UGGT1: variants seen among roughly 807,000 people sequenced by gnomAD.
The protein encoded by UGGT1 is UDP-glucose glycoprotein glucosyltransferase 1.
In UGGT1, 107 loss-of-function variants were observed where a neutral mutation model predicts 203.9. The ratio of observed to expected loss-of-function variants is 0.52; its 90% confidence interval spans 0.45 to 0.62. The LOEUF (loss-of-function observed/expected upper bound fraction) is 0.62, where lower values mean the gene tolerates loss of function less well. UGGT1 is among the 20% of genes least tolerant of loss of function. UGGT1 has a pLI of 0.00. For missense variants in UGGT1, 1,673 were observed against 1,867.2 expected, an observed-to-expected ratio of 0.90 and a Z score of 1.92; for synonymous variants, 628 against 653.5, an observed-to-expected ratio of 0.96 and a Z score of 0.59.
chr2:128,110,438 A>G (rs534589120), intron 5 of UGGT1, among the ~76,000 whole-genome samples: 3 of 152,174 alleles, frequency 2.0e-5, no homozygotes, highest in Non-Finnish European at 2.9e-5. Flanking sequence ...ACCAAATGGC[A>G]TTAGTGCTTC....
At chr2:128,150,063 A>G (rs1379801025) in intron 18 of UGGT1, among the ~76,000 whole-genome samples, 1 of 152,252 alleles carries the variant, frequency 6.6e-6, no homozygotes, top group Admixed American at 6.5e-5. Context: ...TACAGTGAAT[A>G]TTCTAATATG....
intron 3 of UGGT1, among the ~76,000 whole-genome samples, chr2:128,106,348 A>G (rs1006054765): frequency 1.3e-5 from 2 of 152,312 alleles, no homozygotes; most frequent in Non-Finnish European, 2.9e-5. Context: ...TATGAATTCT[A>G]TGAACAACAT....
rs1336828340 is a variant in UGGT1 at position 128,159,737 on chromosome 2, C to G, written c.2562+17C>G. The G allele has an allele frequency of 1.2e-6, 2 of 1,609,080 alleles. No homozygotes were observed. Among genetic ancestry groups the G allele is most frequent in the Non-Finnish European group, 1.7e-6 (2 of 1,176,730 alleles). The stretch of plus-strand genomic sequence containing the variant: ...TCTGTTGGGGTAAGGCTCTGAGCCT[C>G]TCATGAGGCTGCCCCATTTTGTCTG... On this transcript the variant is annotated intron_variant, in intron 23 of 40. Transcript: ENST00000259253.
At chr2:128,138,650 A>G in intron 15 of UGGT1, 67 bp from the exon 16 acceptor site, 1 of 1,557,418 alleles carries the variant, frequency 6.4e-7, no homozygotes, top group South Asian at 1.2e-5. Flanking sequence ...GGGTACAAGG[A>G]TGTCATTCTT....
At chr2:128,168,769 G>T (rs60146947) in intron 26 of UGGT1, among the ~76,000 whole-genome samples, 200 of 152,292 alleles carry the variant, frequency 1.3e-3, no homozygotes, top group African/African-American at 4.4e-3. Context: ...CAAGGGGGCT[G>T]GGCATGATGG....
intron 16 of UGGT1, among the ~76,000 whole-genome samples, chr2:128,142,238 C>A (rs1173511685): frequency 6.6e-6 from 1 of 151,344 alleles, no homozygotes; most frequent in Non-Finnish European, 1.5e-5. Flanking sequence ...GCCTGCCTGG[C>A]CTATTTAGAT....
At chr2:128,170,817 A>G (rs1006938372) in intron 27 of UGGT1, among the ~76,000 whole-genome samples, 17 of 152,230 alleles carry the variant, frequency 1.1e-4, no homozygotes, top group African/African-American at 3.6e-4. Flanking sequence ...ACCTTTGACA[A>G]AGACAGTCGC....
intron 1 of UGGT1, among the ~76,000 whole-genome samples, chr2:128,094,764 T>C (rs1462257819): frequency 1.6e-5 from 1 of 62,340 alleles, no homozygotes; most frequent in East Asian, 4.9e-4. Context: ...TTTTTTTTTT[T>C]TTGAGACGGA....
chr2:128,140,024 G>A (rs1689330283), intron 16 of UGGT1: 1 of 153,618 alleles, frequency 6.5e-6, no homozygotes, highest in African/African-American at 2.4e-5. Context: ...TGCTGTCCTC[G>A]TTGAGGGCCA....
intron 25 of UGGT1, among the ~76,000 whole-genome samples, chr2:128,163,290 G>A (rs1337316141): frequency 8.4e-6 from 1 of 118,550 alleles, no homozygotes; most frequent in East Asian, 2.3e-4. Flanking sequence ...ATGTATGTAG[G>A]CTTAATTACA....
intron 6 of UGGT1, among the ~76,000 whole-genome samples, chr2:128,114,626 G>A (rs1459689827): frequency 1.3e-5 from 2 of 152,104 alleles, no homozygotes; most frequent in South Asian, 2.1e-4. Flanking sequence ...ACTCCCATGG[G>A]CCTCAAAAAA....
intron 30 of UGGT1, among the ~76,000 whole-genome samples, 192 bp from the exon 31 acceptor site, chr2:128,174,581 G>A (rs1260436672): frequency 2.0e-5 from 3 of 152,268 alleles, no homozygotes; most frequent in South Asian, 2.1e-4. Context: ...GATTACAGGC[G>A]TGAGCCACCG....
At chr2:128,178,408 A>G in intron 33 of UGGT1, 60 bp from the exon 34 acceptor site, 1 of 1,399,538 alleles carries the variant, frequency 7.1e-7, no homozygotes, top group Admixed American at 2.2e-5. Flanking sequence ...TCTTACTTTC[A>G]AAGGCCGTGT....
At chr2:128,124,641 G>T (rs1688526082) in intron 11 of UGGT1, among the ~76,000 whole-genome samples, 1 of 149,908 alleles carries the variant, frequency 6.7e-6, no homozygotes. Flanking sequence ...CCTCTGACTA[G>T]TTTGGCCTTT....
rs1221946371 is a variant in UGGT1, at chr2:128,111,120, AG to A, written c.521+1376del. Reference sequence around the variant, plus strand: ...GTAGTCCCAGCACTTTGGCAGGCTGAGGCAGGAGGATCACTTGATCCCAGGA... The same window carrying A: ...GTAGTCCCAGCACTTTGGCAGGCTGAGCAGGAGGATCACTTGATCCCAGGA... On this transcript the variant is annotated intron_variant, in intron 5 of 40. Transcript: ENST00000259253. 8.3e-4 allele frequency among the ~76,000 whole-genome samples: 126 copies of A among 152,338 alleles called. 1 individual carries two copies. Among genetic ancestry groups the A allele is most frequent in the African/African-American group, 2.9e-3 (119 of 41,570 alleles).
chr2:128,141,779 C>G (rs1180826228), intron 16 of UGGT1, among the ~76,000 whole-genome samples: 1 of 151,322 alleles, frequency 6.6e-6, no homozygotes, highest in Non-Finnish European at 1.5e-5. Context: ...CCATTGCACT[C>G]CAGCCTGGGT....
chr2:128,127,296 GA>G, intron 11 of UGGT1, 64 bp from the exon 12 acceptor site: 2 of 1,191,874 alleles, frequency 1.7e-6, no homozygotes, highest in Non-Finnish European at 2.4e-6. Context: ...GTGAAGCCCA[GA>G]AACAATAAAA....
In UGGT1 at chr2:128,189,919, G is replaced by A; in HGVS notation, c.*177G>A. 3.2e-6 allele frequency: 2 copies of A among 627,972 alleles called. No individual in the cohort carries two copies. The highest frequency in any genetic ancestry group is 5.4e-6 in the Non-Finnish European group (2 of 372,476). The allele number at this position is 627,972 out of a possible 1,614,324, so 38.9% of individuals were successfully genotyped here. The stretch of plus-strand genomic sequence containing the variant: ...ACTCTGGTGGCCACTGGATCTTTGG[G>A]ATTAAAGCTCTGTTGGATTTGTACC... On this transcript the variant is annotated 3_prime_UTR_variant, in exon 41 of 41. Transcript: ENST00000259253.
intron 15 of UGGT1, among the ~76,000 whole-genome samples, chr2:128,137,608 T>C (rs942640683): frequency 2.0e-5 from 3 of 152,252 alleles, no homozygotes; most frequent in East Asian, 3.8e-4. Context: ...CTTTTGGATC[T>C]AACATCATTG....
Sources: allele counts gnomAD v4.1 joint callset (sites outside exome capture counted in the v4.1 genomes callset), GRCh38; gene constraint gnomAD v4.1.1; transcripts MANE v1.5; gene names NCBI Gene and HGNC (gene_info 2026-07-23, HGNC 2026-07-21).